TWF1: variants seen among roughly 807,000 people sequenced by gnomAD.
TWF1 encodes twinfilin actin binding protein 1, also known as twinfilin-1.
A neutral mutation model predicts 47.9 loss-of-function variants in TWF1; 14 were observed. That is an observed-to-expected ratio of 0.29 (90% CI 0.19 to 0.46). The LOEUF is 0.46. Among genes scored for constraint, TWF1 ranks in the 20% least tolerant of loss-of-function variants. The pLI is 1.00. For synonymous variants in TWF1, 96 were observed against 139.2 expected (o/e 0.69, Z 2.18); for missense variants, 281 against 409.3 (o/e 0.69, Z 2.70).
rs771059417 is a variant in TWF1, at chr12:43,797,833, C to T, written c.484G>A (p.Val162Ile). The T allele has an allele frequency of 3.1e-6, 5 of 1,611,330 alleles. No individual in the cohort carries two copies. The highest frequency in any genetic ancestry group is 3.4e-6 in the Non-Finnish European group (4 of 1,178,800). The change falls in exon 6 of 9, where the codon GTA becomes ATA. Residue 162 changes from valine (V) to isoleucine (I), a missense_variant and splice_region_variant. Physicochemically the swap from Val to Ile is conservative, Grantham distance 29. Coordinates refer to ENST00000395510, the MANE Select transcript of TWF1 (RefSeq NM_002822.5). ...GTGTCCACACCCACGTCAGTCTGTA[C>T]CTAAGTATGACAGATTTAATTTACA... is the stretch of plus-strand genomic sequence containing the variant. ...EELRQIKINE[V>I]QTDVGVDTKH...
chr12:43,802,365 T>C lies in TWF1; in HGVS notation c.203A>G (p.Tyr68Cys), dbSNP rs1445009986. The change falls in exon 3 of 9, where the codon TAT (tyrosine) becomes TGT (cysteine). Residue 68 changes from tyrosine (Y) to cysteine (C), a missense_variant. Physicochemically the swap from Tyr to Cys is radical, Grantham distance 194. Transcript: ENST00000395510. ...CTGAGAATCTAACCTGAATAATATA[T>C]AGCATGGTTGTTTGTCCTCCAACAG... is the stretch of plus-strand genomic sequence containing the variant. Reference protein sequence around the residue: ...LPLLEDKQPCYILFRLDSQNA... With the variant: ...LPLLEDKQPCCILFRLDSQNA... The C allele has an allele frequency of 6.2e-7, 1 of 1,602,362 alleles. No individual in the cohort carries two copies.
intron 5 of TWF1, chr12:43,798,562 T>C (rs1363506278): frequency 3.3e-6 from 5 of 1,523,672 alleles, no homozygotes; most frequent in Non-Finnish European, 4.4e-6. Flanking sequence ...TGCGAATGCA[T>C]ACCCCAATAT....
In TWF1 at chr12:43,806,207, C is replaced by T; in HGVS notation, c.25+14G>A. The T allele has an allele frequency of 6.5e-7, 1 of 1,540,204 alleles. No individual in the cohort carries two copies. Among genetic ancestry groups the T allele is most frequent in the Non-Finnish European group, 8.7e-7 (1 of 1,144,538 alleles). On this transcript the variant is annotated intron_variant, in intron 1 of 8. Coordinates refer to ENST00000395510, the MANE Select transcript of TWF1 (RefSeq NM_002822.5). ...GGAAGCCCCTTCCCTGCGAGTCGCG[C>T]CGGGCGCTGTTACCTTGGATGCCGG...
Position 43,805,255 on chromosome 12 carries a change from TGA to T in TWF1, c.26-685_26-684del, listed in dbSNP as rs1421235773. On this transcript the variant is annotated intron_variant, in intron 1 of 8. Coordinates refer to ENST00000395510, the MANE Select transcript of TWF1 (RefSeq NM_002822.5). ...TAGTGCTTGCTATAAGGCTCAAGCATGAGAGTCAATAACTACATATTTATATA... is the reference window on the plus strand; with the variant it reads ...TAGTGCTTGCTATAAGGCTCAAGCATGAGTCAATAACTACATATTTATATA... 4.0e-5 allele frequency among the ~76,000 whole-genome samples: 6 copies of T among 150,670 alleles called. No homozygotes were observed. The East Asian group carries it at 1.2e-3, about 29-fold the overall frequency.
rs901933499 is a variant in TWF1 at position 43,798,433 on chromosome 12, TAG to T, written c.484-602_484-601del. 3.1e-5 allele frequency: 24 copies of T among 778,896 alleles called. 1 individual carries two copies. The Admixed American group carries it at 3.9e-4, about 13-fold the overall frequency. 48.2% of individuals were successfully genotyped at this position (778,896 alleles called of 1,614,324 possible). On this transcript the variant is annotated intron_variant, in intron 5 of 8. Transcript: ENST00000395510. Reference sequence around the variant, plus strand: ...TTTATACTTGATAAATGATAGCTAGTAGAGAGTCTCATTCGCAGTGTTGCAAC... The same window carrying T: ...TTTATACTTGATAAATGATAGCTAGTAGAGTCTCATTCGCAGTGTTGCAAC...
intron 2 of TWF1, 67 bp downstream of exon 2, chr12:43,804,428 C>A: frequency 1.0e-6 from 1 of 969,966 alleles, no homozygotes. Flanking sequence ...TGACAACACA[C>A]AGTAAGTTTA....
Position 43,796,975 on chromosome 12 carries a change from C to G in TWF1, c.882+1G>C. 6.2e-7 allele frequency: 1 copy of G among 1,606,608 alleles called. No homozygotes were observed. The highest frequency in any genetic ancestry group is 8.5e-7 in the Non-Finnish European group (1 of 1,178,276). On this transcript the variant is annotated splice_donor_variant, in intron 8 of 8. Coordinates refer to ENST00000395510, the MANE Select transcript of TWF1 (RefSeq NM_002822.5). LOFTEE classifies it high-confidence loss of function. The stretch of plus-strand genomic sequence containing the variant: ...TGAAGATTTTAAAATAGGTGGGCTA[C>G]CTTTCTAATTACATCCATTTGTAGT...
intron 3 of TWF1, among the ~76,000 whole-genome samples, 198 bp downstream of exon 3, chr12:43,802,088 T>C (rs1332086440): frequency 3.3e-5 from 5 of 152,168 alleles, no homozygotes; most frequent in Admixed American, 1.3e-4. Context: ...TCAGTAATAA[T>C]TATTTTGATT....
chr12:43,795,708 T>G lies in TWF1; in HGVS notation c.930A>C (p.Glu310Asp), dbSNP rs1482186458. ...GDELTADFLY[E>D]EVHPKQHAHK... ...GTGCATGCTGCTTGGGATGTACTTCTTCATAAAGGAAGTCTGCAGTCAACT... is the reference window on the plus strand; with the variant it reads ...GTGCATGCTGCTTGGGATGTACTTCGTCATAAAGGAAGTCTGCAGTCAACT... The change falls in exon 9 of 9, where the codon GAA (glutamate) becomes GAC (aspartate). Residue 310 changes from glutamate (E) to aspartate (D), a missense_variant. Transcript: ENST00000395510. 6.2e-7 allele frequency: 1 copy of G among 1,613,992 alleles called. No individual in the cohort carries two copies.
intron 2 of TWF1, among the ~76,000 whole-genome samples, chr12:43,803,399 GA>G (rs1336339688): frequency 7.2e-5 from 11 of 152,024 alleles, no homozygotes; most frequent in African/African-American, 2.7e-4. Flanking sequence ...GAAAAACACT[GA>G]ATTTTCTAAA....
At chr12:43,799,272 C>T (rs751259004) in intron 5 of TWF1, 126 bp downstream of exon 5, 3 of 555,104 alleles carry the variant, frequency 5.4e-6, no homozygotes, top group Non-Finnish European at 9.1e-6. Flanking sequence ...TATCTCTAAA[C>T]TAAACGGAAT....
At chr12:43,802,961 A>G (rs1465079753) in intron 2 of TWF1, among the ~76,000 whole-genome samples, 1 of 152,186 alleles carries the variant, frequency 6.6e-6, no homozygotes, top group African/African-American at 2.4e-5. Flanking sequence ...ATACACTGGT[A>G]TAGCCACTTT....
intron 1 of TWF1, chr12:43,805,854 G>GCCCC (rs1470237436): frequency 7.1e-7 from 1 of 1,414,102 alleles, no homozygotes; most frequent in African/African-American, 1.4e-5. Context: ...GCGTACTGAA[G>GCCCC]CCCCAGTCGC....
rs538466561 is a variant in TWF1 at position 43,794,694 on chromosome 12, C to G, written c.*891G>C. 6.6e-6 allele frequency: 1 copy of G among 151,868 alleles called. No homozygotes were observed. The highest frequency in any genetic ancestry group is 2.4e-5 in the African/African-American group (1 of 41,352). 9.4% of individuals were successfully genotyped at this position (151,868 alleles called of 1,614,324 possible). The stretch of plus-strand genomic sequence containing the variant: ...TAACTGAGATTATTAAGGTGTTTAT[C>G]TACGTTAGCCTGTTAAGTACCAGGA... On this transcript the variant is annotated 3_prime_UTR_variant, in exon 9 of 9. Transcript: ENST00000395510.
chr12:43,798,522 T>C (rs1209985063), intron 5 of TWF1: 3 of 1,484,708 alleles, frequency 2.0e-6, no homozygotes, highest in East Asian at 2.5e-5. Context: ...GCATAAATGA[T>C]ATTGGTTAAT....
rs574083973 is a variant in TWF1, at chr12:43,797,515, A to C, written c.610-63T>G. The stretch of plus-strand genomic sequence containing the variant: ...ATATAAGGAAATTAAGTTAAAACAT[A>C]TAATAAAAAGACCAAGAGATAAAGG... On this transcript the variant is annotated intron_variant, in intron 6 of 8. Coordinates refer to ENST00000395510, the MANE Select transcript of TWF1 (RefSeq NM_002822.5). The C allele has an allele frequency of 9.1e-5, 130 of 1,422,038 alleles. No individual in the cohort carries two copies. The African/African-American group carries it at 1.6e-3, about 18-fold the overall frequency. 88.1% of individuals were successfully genotyped at this position (1,422,038 alleles called of 1,614,324 possible).
intron 4 of TWF1, among the ~76,000 whole-genome samples, chr12:43,799,937 A>G (rs1354017285): frequency 6.6e-6 from 1 of 152,108 alleles, no homozygotes; most frequent in Non-Finnish European, 1.5e-5. Context: ...TTTCATGTCA[A>G]AAGAAAAAAA....
chr12:43,802,663 T>C (rs1004765301), intron 2 of TWF1, among the ~76,000 whole-genome samples, 199 bp from the exon 3 acceptor site: 3 of 152,186 alleles, frequency 2.0e-5, no homozygotes, highest in African/African-American at 7.2e-5. Flanking sequence ...TTTATGAACA[T>C]GGTTAAAATG....
At chr12:43,804,373 C>T (rs1015966278) in intron 2 of TWF1, 122 bp downstream of exon 2, 20 of 671,578 alleles carry the variant, frequency 3.0e-5, no homozygotes, top group East Asian at 1.8e-4. Flanking sequence ...TCCAAGTTAC[C>T]GTAAGATTTG....
Sources: allele counts gnomAD v4.1 joint callset (sites outside exome capture counted in the v4.1 genomes callset), GRCh38; gene constraint gnomAD v4.1.1; transcripts MANE v1.5; gene names NCBI Gene and HGNC (gene_info 2026-07-23, HGNC 2026-07-21).